GLT8D2: variants seen among roughly 807,000 people sequenced by gnomAD.
GLT8D2 encodes glycosyltransferase 8 domain-containing protein 2.
GLT8D2 carries 45 observed loss-of-function variants against 44.5 expected under a neutral mutation model. The ratio of observed to expected loss-of-function variants is 1.01; its 90% CI spans 0.80 to 1.30. The LOEUF (loss-of-function observed/expected upper bound fraction) is 1.30. Ranked by LOEUF, GLT8D2 falls within the 50% of genes most tolerant of loss-of-function variation. GLT8D2 has a pLI of 0.00. For synonymous variants in GLT8D2, 156 were observed against 157.2 expected, an observed-to-expected ratio of 0.99 and a Z score of 0.06; for missense variants, 400 against 430.4, an observed-to-expected ratio of 0.93 and a Z score of 0.62.
chr12:103,994,505 T>C lies in GLT8D2; in HGVS notation c.601-4A>G. The C allele has an allele frequency of 6.2e-7, 1 of 1,602,380 alleles. No homozygotes were observed. Among genetic ancestry groups the C allele is most frequent in the African/African-American group, 1.3e-5 (1 of 74,548 alleles). The stretch of plus-strand genomic sequence containing the variant: ...CCAGATAGCCCATATATGTGTTCTG[T>C]AAGGGAACAGGATGTGCATGCTTTT... On this transcript the variant is annotated splice_polypyrimidine_tract_variant and splice_region_variant and intron_variant, in intron 8 of 10. Transcript: ENST00000360814.
chr12:104,020,296 G>A (rs764620614), intron 2 of GLT8D2, among the ~76,000 whole-genome samples: 4 of 152,002 alleles, frequency 2.6e-5, no homozygotes, highest in Non-Finnish European at 4.4e-5. Context: ...GCAGAAACTG[G>A]AAGTATCACA....
rs377763962 is a variant in GLT8D2, at chr12:104,059,552, T to C, written c.-423+4397A>G. ...TTGCTTACAACCCATAGGTCAATATTTAGCCACAGGCCACAACAAGTTGAG... is the reference window on the plus strand; with the variant it reads ...TTGCTTACAACCCATAGGTCAATATCTAGCCACAGGCCACAACAAGTTGAG... On this transcript the variant is annotated intron_variant, in intron 1 of 10. Transcript: ENST00000548660. Among the ~76,000 whole-genome samples, 48 of 152,316 alleles carry C rather than the reference T, an allele frequency of 3.2e-4. No individual in the cohort carries two copies. In the East Asian group the frequency reaches 5.6e-3, roughly 18 times the overall value.
rs199596361 is a variant in GLT8D2, at chr12:103,999,498, A to C, written c.301T>G (p.Ser101Ala). The C allele has an allele frequency of 1.2e-6, 2 of 1,606,856 alleles. No homozygotes were observed. The highest frequency in any genetic ancestry group is 4.5e-5 in the East Asian group (2 of 44,788). The part of the protein sequence containing the change: ...LTRIRKWIEH[S>A]KLREINFKIV... ...TTAAAGTTTATTTCTCTCAGTTTGG[A>C]ATGTTCAATCCATTTTCTAAAAAGA... The change falls in exon 6 of 11, where the codon TCC (serine) becomes GCC (alanine). Residue 101 changes from serine to alanine, a missense_variant. Transcript: ENST00000360814.
At chr12:104,007,197 A>G (rs1875143499) in intron 4 of GLT8D2, among the ~76,000 whole-genome samples, 1 of 146,758 alleles carries the variant, frequency 6.8e-6, no homozygotes, top group Non-Finnish European at 1.5e-5. Flanking sequence ...AGTATTCAGT[A>G]TCCACTATAA....
chr12:104,047,001 A>AT (rs1413132772), intron 1 of GLT8D2, among the ~76,000 whole-genome samples: 5 of 151,338 alleles, frequency 3.3e-5, no homozygotes, highest in East Asian at 2.0e-4. Context: ...CTAATTAAAA[A>AT]TTTTTTTTGT....
intron 1 of GLT8D2, among the ~76,000 whole-genome samples, chr12:104,025,064 T>G (rs530936055): frequency 8.7e-6 from 1 of 114,980 alleles, no homozygotes; most frequent in African/African-American, 3.8e-5. Flanking sequence ...AGTGAGACTT[T>G]GTCAAAAAAA....
intron 1 of GLT8D2, among the ~76,000 whole-genome samples, chr12:104,057,491 A>T (rs539629830): frequency 1.3e-5 from 2 of 151,778 alleles, no homozygotes; most frequent in Admixed American, 1.3e-4. Flanking sequence ...ACTGTACTTC[A>T]GCTCAGGTGA....
intron 5 of GLT8D2, among the ~76,000 whole-genome samples, chr12:104,000,306 T>C (rs1874032404): frequency 1.3e-5 from 2 of 152,138 alleles, no homozygotes; most frequent in Non-Finnish European, 2.9e-5. Context: ...TACTTCCAAA[T>C]GGTTACAAAG....
At chr12:104,037,263 C>A (rs935611817) in intron 1 of GLT8D2, among the ~76,000 whole-genome samples, 9 of 152,006 alleles carry the variant, frequency 5.9e-5, no homozygotes, top group African/African-American at 2.2e-4. Flanking sequence ...ACTAGAGAAG[C>A]AAGAGCAAAC....
chr12:103,997,585 G>T, intron 6 of GLT8D2, 50 bp from the exon 7 acceptor site: 1 of 1,302,154 alleles, frequency 7.7e-7, no homozygotes, highest in Non-Finnish European at 1.1e-6. Flanking sequence ...ATATGGCTTA[G>T]TGTCTTCTGG....
intron 5 of GLT8D2, 141 bp downstream of exon 5, chr12:104,002,990 CAGAA>C (rs1874435934): frequency 3.3e-6 from 2 of 602,396 alleles, no homozygotes; most frequent in African/African-American, 4.3e-5. Flanking sequence ...GAGAGAGAGA[CAGAA>C]AGAGAGAGGG....
intron 1 of GLT8D2, among the ~76,000 whole-genome samples, chr12:104,025,058 A>G (rs1410297955): frequency 4.9e-5 from 6 of 122,556 alleles, no homozygotes; most frequent in Non-Finnish European, 9.8e-5. Flanking sequence ...CAACAGAGTG[A>G]GACTTTGTCA....
At chr12:104,063,817 T>C (rs1882911619) in intron 1 of GLT8D2, 1 of 152,262 alleles carries the variant, frequency 6.6e-6, no homozygotes, top group African/African-American at 2.4e-5. Context: ...GCTGGATGGA[T>C]TACATGAGTT....
chr12:104,047,151 C>T (rs1220849509), intron 1 of GLT8D2, among the ~76,000 whole-genome samples: 1 of 151,996 alleles, frequency 6.6e-6, no homozygotes, highest in Non-Finnish European at 1.5e-5. Context: ...TTCTAAACAA[C>T]AAAACTTTAT....
At chr12:104,007,271 C>CG (rs1875190934) in intron 4 of GLT8D2, among the ~76,000 whole-genome samples, 1 of 60,602 alleles carries the variant, frequency 1.7e-5, no homozygotes. Context: ...TCTCTCCCCC[C>CG]GCTCTCTCCA....
chr12:104,019,071 T>C (rs1877275112), intron 3 of GLT8D2, among the ~76,000 whole-genome samples: 1 of 151,938 alleles, frequency 6.6e-6, no homozygotes, highest in African/African-American at 2.4e-5. Flanking sequence ...TTGCAAGTTT[T>C]ATAGAAATAT....
Position 104,003,205 on chromosome 12 carries a change from T to C in GLT8D2, c.214A>G (p.Ile72Val), listed in dbSNP as rs763013818. 2.5e-6 allele frequency: 4 copies of C among 1,613,972 alleles called. No homozygotes were observed. Among genetic ancestry groups the C allele is most frequent in the Non-Finnish European group, 3.4e-6 (4 of 1,179,960 alleles). ...MGATMAAINS[I>V]YSNTDANILF... Reference sequence around the variant, plus strand: ...ATGTTGGCGTCAGTGTTGCTGTAGATGCTATTGATGGCAGCCATAGTGGCA... The same window carrying C: ...ATGTTGGCGTCAGTGTTGCTGTAGACGCTATTGATGGCAGCCATAGTGGCA... The change falls in exon 5 of 11, where the codon ATC becomes GTC. Residue 72 changes from isoleucine to valine, a missense_variant. Transcript: ENST00000360814.
At position 103,996,863 on chromosome 12, in the gene GLT8D2, C is replaced by A; in HGVS notation, c.488-16G>T. On this transcript the variant is annotated splice_polypyrimidine_tract_variant and intron_variant, in intron 7 of 10. Transcript: ENST00000360814. ...TGGATATCACCTGAATTTAGAAACA[C>A]CACCAAGTAAAACATTATAGCATTT... is the stretch of plus-strand genomic sequence containing the variant. 2.6e-6 allele frequency: 4 copies of A among 1,562,310 alleles called. No homozygotes were observed. The highest frequency in any genetic ancestry group is 3.5e-6 in the Non-Finnish European group (4 of 1,135,402).
At chr12:104,036,673 A>G (rs981266301) in intron 1 of GLT8D2, among the ~76,000 whole-genome samples, 1 of 152,200 alleles carries the variant, frequency 6.6e-6, no homozygotes, top group Non-Finnish European at 1.5e-5. Context: ...AAGTCCTTAG[A>G]GACCTACAAA....
Sources: gnomAD v4.1 joint callset for allele counts (sites outside exome capture counted in the v4.1 genomes callset) on GRCh38, gnomAD v4.1.1 for gene constraint, MANE v1.5 for transcripts, NCBI Gene and HGNC (gene_info 2026-07-23, HGNC 2026-07-21) for gene names.